The following SCAP variants were observed in gnomAD, a reference collection of about 807,000 sequenced individuals.
SCAP encodes sterol regulatory element-binding protein cleavage-activating protein.
SCAP carries 65 observed loss-of-function variants against 123.6 expected under a neutral mutation model. The ratio of observed to expected loss-of-function variants is 0.53; its 90% CI spans 0.43 to 0.65. The LOEUF (loss-of-function observed/expected upper bound fraction) is 0.65. SCAP is among the 30% of genes least tolerant of loss of function. SCAP has a pLI of 0.00. For synonymous variants in SCAP, 740 were observed against 726.3 expected (o/e 1.02, Z -0.30); for missense variants, 1,398 against 1,712.5 (o/e 0.82, Z 3.24).
rs1355967703 is a variant in SCAP at position 47,418,397 on chromosome 3, T to C, written c.2255A>G (p.Glu752Gly). 1.4e-5 allele frequency: 22 copies of C among 1,573,978 alleles called. No homozygotes were observed. The highest frequency in any genetic ancestry group is 1.9e-5 in the Non-Finnish European group (22 of 1,163,766). ...GGGPGRRRRG[E>G]LPCDDYGYAP... Reference sequence around the variant, plus strand: ...ATAGCCGTAGTCGTCGCAGGGCAGCTCCCCGCGCCTCCGCCGCCCGGGCCC... The same window carrying C: ...ATAGCCGTAGTCGTCGCAGGGCAGCCCCCCGCGCCTCCGCCGCCCGGGCCC... Residue 752 changes from glutamate to glycine, a missense_variant, in exon 15 of 23, where the codon GAG becomes GGG. By Grantham distance (98) the Glu-to-Gly change is moderately conservative. Transcript: ENST00000265565.
chr3:47,426,279 G>C (rs1017740052), intron 6 of SCAP, 110 bp from the exon 7 acceptor site: 1 of 1,095,860 alleles, frequency 9.1e-7, no homozygotes, highest in Non-Finnish European at 1.3e-6. Flanking sequence ...CCCCTGTGTT[G>C]AAAGGGAACT....
chr3:47,418,626 T>TTACC, intron 14 of SCAP, 29 bp downstream of exon 14: 7 of 1,459,544 alleles, frequency 4.8e-6, no homozygotes, highest in Non-Finnish European at 6.6e-6. Flanking sequence ...CCGCACTCTT[T>TTACC]CCCACCCCAC....
At chr3:47,435,976 G>A (rs1207769108) in intron 2 of SCAP, among the ~76,000 whole-genome samples, 1 of 152,068 alleles carries the variant, frequency 6.6e-6, no homozygotes, top group East Asian at 1.9e-4. Context: ...CTTAAGCCTA[G>A]AGGTAGAGGC....
Position 47,414,308 on chromosome 3 carries a change from C to T in SCAP, c.3466G>A (p.Val1156Met), listed in dbSNP as rs1299038241. 1.2e-6 allele frequency: 2 copies of T among 1,613,250 alleles called. No individual in the cohort carries two copies. Among genetic ancestry groups the T allele is most frequent in the Non-Finnish European group, 1.7e-6 (2 of 1,180,020 alleles). ...DVLTGSRVSH[V>M]FAHRGDVTSL... ...GTGACATCCCCACGGTGAGCAAACA[C>T]ATGGCTGACCCGGCTGCCAGTCAGT... The change falls in exon 22 of 23, where the codon GTG becomes ATG. Residue 1156 changes from valine to methionine, a missense_variant. Val to Met is a conservative substitution (Grantham distance 21). This residue lies in a region of SCAP where 130 missense variants were observed against 166.7 expected (regional missense o/e 0.78). Coordinates refer to ENST00000265565, the MANE Select transcript of SCAP (RefSeq NM_012235.4).
rs770899316 is a variant in SCAP, at chr3:47,417,710, C to T, written c.2564G>A (p.Arg855Lys). The T allele has an allele frequency of 6.2e-7, 1 of 1,608,404 alleles. No homozygotes were observed. The highest frequency in any genetic ancestry group is 1.7e-5 in the Admixed American group (1 of 59,650). ...PEEPGDSPPL[R>K]HRPRGPPPPS... ...CGGCGGAGGGCCCCGGGGGCGGTGTCTCAGGGGAGGGCTGTCCCCAGGCTC... is the reference window on the plus strand; with the variant it reads ...CGGCGGAGGGCCCCGGGGGCGGTGTTTCAGGGGAGGGCTGTCCCCAGGCTC... The change falls in exon 17 of 23, where the codon AGA becomes AAA. Residue 855 changes from arginine to lysine, a missense_variant. Arg to Lys is a conservative substitution (Grantham distance 26). This residue lies in a region of SCAP where 828 missense variants were observed against 882.5 expected (regional missense o/e 0.94). Transcript: ENST00000265565.
intron 18 of SCAP, among the ~76,000 whole-genome samples, chr3:47,415,630 T>G (rs374434485): frequency 3.3e-5 from 5 of 152,264 alleles, no homozygotes; most frequent in African/African-American, 1.2e-4. Flanking sequence ...ACAGCTCACA[T>G]CAATTCCTTT....
rs1314272284 is a variant in SCAP at position 47,442,979 on chromosome 3, T to TG, written c.14_15insC (p.Glu5AspfsTer5). On this transcript the variant is annotated frameshift_variant, in exon 2 of 23. Transcript: ENST00000265565. LOFTEE classifies it high-confidence loss of function. ...CCCGAGATATCTTCTCACGCAGCCT[T>TG]TCAGTCAGGGTCATCCTCAGCCGAA... 1 of 1,613,888 alleles carries TG rather than the reference T, an allele frequency of 6.2e-7. No individual in the cohort carries two copies.
intron 1 of SCAP, among the ~76,000 whole-genome samples, chr3:47,445,569 C>T (rs562092598): frequency 2.7e-5 from 4 of 149,708 alleles, no homozygotes; most frequent in Admixed American, 2.0e-4. Flanking sequence ...TACTTGGTCT[C>T]GAACTCCAAC....
upstream of SCAP, among the ~76,000 whole-genome samples, chr3:47,476,563 C>T (rs548875099): frequency 2.0e-5 from 3 of 152,258 alleles, no homozygotes; most frequent in African/African-American, 7.2e-5. Flanking sequence ...CATTTAAAAG[C>T]ATAAGTTGAC....
intron 1 of SCAP, among the ~76,000 whole-genome samples, chr3:47,462,449 A>G (rs905280822): frequency 2.0e-5 from 3 of 152,108 alleles, no homozygotes; most frequent in Non-Finnish European, 4.4e-5. Flanking sequence ...CAGACTGTAA[A>G]ACACCTTCAT....
At chr3:47,436,809 A>G (rs1365443289) in intron 2 of SCAP, among the ~76,000 whole-genome samples, 1 of 152,226 alleles carries the variant, frequency 6.6e-6, no homozygotes, top group Admixed American at 6.5e-5. Flanking sequence ...ATCAAGCTAT[A>G]GAATATTTCC....
In SCAP at chr3:47,473,086, A is replaced by AAAAAAAAAAAAAAAAAAAAC. The variant is rs1452211445; in HGVS notation, c.-99+2712_-99+2713insGTTTTTTTTTTTTTTTTTTT. Among the ~76,000 whole-genome samples the AAAAAAAAAAAAAAAAAAAAC allele has an allele frequency of 7.4e-4, 106 of 144,044 alleles. 7 individuals are homozygous for AAAAAAAAAAAAAAAAAAAAC. The highest frequency in any genetic ancestry group is 3.1e-3 in the East Asian group (15 of 4,888). The allele number at this position is 144,044 out of a possible 152,430, so 94.5% of individuals were successfully genotyped here. A position where few individuals can be genotyped will look rare whatever the true frequency, so the allele number is the denominator to read the frequency against. On this transcript the variant is annotated intron_variant, in intron 1 of 22. Coordinates refer to ENST00000265565, the MANE Select transcript of SCAP (RefSeq NM_012235.4). ...GAAGAGCGAAACTCCATCTCAAAAA[A>AAAAAAAAAAAAAAAAAAAAC]AAAAAAAAAAAAACAGACTGTGGAA...
intron 1 of SCAP, chr3:47,475,365 G>C (rs1187595409): frequency 6.6e-6 from 1 of 152,308 alleles, no homozygotes; most frequent in Non-Finnish European, 1.5e-5. Flanking sequence ...AGCAAAACCA[G>C]CAAAGCAACT....
At position 47,427,168 on chromosome 3, in the gene SCAP, G is replaced by A. The variant is rs752620582; in HGVS notation, c.726C>T (p.His242=). Residue 242 remains histidine (H), a synonymous_variant, in exon 6 of 23, where the codon CAC becomes CAT. Transcript: ENST00000265565. ...VSYTITLVFQ[H]YHAKFLGSLR... ...ACTGTCAATCTTACTTGGCATGGTA[G>A]TGCTGGAAGACCAGGGTGATGGTGT... is the stretch of plus-strand genomic sequence containing the variant. 3 of 1,612,812 alleles carry A rather than the reference G, an allele frequency of 1.9e-6. No homozygotes were observed. The highest frequency in any genetic ancestry group is 2.5e-6 in the Non-Finnish European group (3 of 1,179,006).
At chr3:47,450,719 C>G (rs1330433227) in intron 1 of SCAP, among the ~76,000 whole-genome samples, 1 of 123,010 alleles carries the variant, frequency 8.1e-6, no homozygotes, top group Non-Finnish European at 1.8e-5. Flanking sequence ...AGGCTGGTCT[C>G]AAACTCCTGG....
At chr3:47,470,465 A>G (rs1707987913) in intron 1 of SCAP, among the ~76,000 whole-genome samples, 1 of 152,242 alleles carries the variant, frequency 6.6e-6, no homozygotes, top group Non-Finnish European at 1.5e-5. Flanking sequence ...TGTACACAGG[A>G]GTTAACACCC....
intron 1 of SCAP, among the ~76,000 whole-genome samples, chr3:47,446,325 C>T (rs1448474913): frequency 1.3e-5 from 2 of 152,198 alleles, no homozygotes; most frequent in Admixed American, 6.5e-5. Context: ...AGGCACTCAC[C>T]ACCACACCCG....
Position 47,439,034 on chromosome 3 carries a change from G to C in SCAP, c.122+3838C>G, listed in dbSNP as rs4858811. Among the ~76,000 whole-genome samples the C allele has an allele frequency of 0.38, 57,461 of 151,956 alleles. 11,226 individuals carry two copies. The highest frequency in any genetic ancestry group is 0.53 in the East Asian group (2,721 of 5,158). On this transcript the variant is annotated intron_variant, in intron 2 of 22. Transcript: ENST00000265565. This position sits in a 1 kb window ranked among gnomAD's most constrained non-coding sequence, Gnocchi z 4.0. ...GTGCCAGGCACTATTCTAAGCACTT[G>C]ATATGTACAGATACATCTTGACTTA...
intron 21 of SCAP, 74 bp from the exon 22 acceptor site, chr3:47,414,460 A>C (rs1705469556): frequency 4.4e-6 from 7 of 1,601,034 alleles, no homozygotes; most frequent in Non-Finnish European, 6.0e-6. Flanking sequence ...CCTGTGCCCC[A>C]GTGGGTGGGG....
Sources: allele counts gnomAD v4.1 joint callset (sites outside exome capture counted in the v4.1 genomes callset), GRCh38; gene constraint gnomAD v4.1.1; regional missense constraint gnomAD v4.1.1; non-coding constraint Gnocchi (gnomAD v3.1); transcripts MANE v1.5; gene names NCBI Gene and HGNC (gene_info 2026-07-23, HGNC 2026-07-21).